The following MICOS10 variants were observed in gnomAD, a reference collection of about 807,000 sequenced individuals.
MICOS10 encodes mitochondrial contact site and cristae organizing system subunit 10.
A neutral mutation model predicts 13.4 loss-of-function variants in MICOS10; 5 were observed. The ratio of observed to expected loss-of-function variants is 0.37; its 90% confidence interval spans 0.20 to 0.78. The LOEUF (loss-of-function observed/expected upper bound fraction) is 0.78, where lower values mean the gene tolerates loss of function less well. Ranked by LOEUF, MICOS10 falls within the 30% of genes least tolerant of loss-of-function variation. MICOS10 has a pLI of 0.47. For missense variants in MICOS10, 101 were observed against 94.6 expected (o/e 1.07, Z -0.28); for synonymous variants, 35 against 33.6 (o/e 1.04, Z -0.15).
intron 1 of MICOS10, among the ~76,000 whole-genome samples, chr1:19,613,271 C>T (rs569524567): frequency 3.5e-4 from 53 of 152,286 alleles, no homozygotes; most frequent in Non-Finnish European, 5.6e-4. Flanking sequence ...TCAGATCTGT[C>T]CTCATTGCTG....
Position 19,600,964 on chromosome 1 carries a change from C to A in MICOS10, c.64+3855C>A, listed in dbSNP as rs142451877. On this transcript the variant is annotated intron_variant, in intron 1 of 3. Coordinates refer to ENST00000322753, the MANE Select transcript of MICOS10 (RefSeq NM_001032363.4). ...AAGGGAAGCCATGGTGAATGCACAG[C>A]AACTTCTGTGAGTCCTTCTCTGTTT... 1.0e-5 allele frequency: 13 copies of A among 1,289,366 alleles called. No individual in the cohort carries two copies. The East Asian group carries it at 4.4e-4, about 44-fold the overall frequency. 79.9% of individuals were successfully genotyped at this position (1,289,366 alleles called of 1,614,324 possible).
chr1:19,608,533 T>G lies in MICOS10; in HGVS notation c.64+11424T>G. 2.0e-6 allele frequency: 2 copies of G among 1,017,246 alleles called. 1 individual carries two copies. Among genetic ancestry groups the G allele is most frequent in the South Asian group, 2.5e-5 (2 of 79,238 alleles). The allele number at this position is 1,017,246 out of a possible 1,614,324, so 63.0% of individuals were successfully genotyped here. A position where few individuals can be genotyped will look rare whatever the true frequency, so the allele number is the denominator to read the frequency against. On this transcript the variant is annotated intron_variant, in intron 1 of 3. Transcript: ENST00000322753. ...TCACCCCCATCCCCTCTGACAGCACTCTCAGGAAGGGGGTCACCGTGGTCG... is the reference window on the plus strand; with the variant it reads ...TCACCCCCATCCCCTCTGACAGCACGCTCAGGAAGGGGGTCACCGTGGTCG...
intron 1 of MICOS10, among the ~76,000 whole-genome samples, chr1:19,618,455 T>C (rs1438598133): frequency 2.6e-5 from 4 of 152,178 alleles, no homozygotes; most frequent in African/African-American, 9.7e-5. Flanking sequence ...ATTACACCTC[T>C]GAAATCTTTT....
intron 1 of MICOS10, among the ~76,000 whole-genome samples, chr1:19,603,556 C>T (rs1009387592): frequency 6.6e-6 from 1 of 152,168 alleles, no homozygotes; most frequent in African/African-American, 2.4e-5. Context: ...TACGGAGGTC[C>T]TGGGAATCCC....
intron 1 of MICOS10, among the ~76,000 whole-genome samples, chr1:19,603,599 T>A (rs1000170163): frequency 6.6e-6 from 1 of 152,250 alleles, no homozygotes; most frequent in African/African-American, 2.4e-5. Context: ...AAATTGGCTG[T>A]GTCCCTTTTC....
At chr1:19,602,334 T>G (rs2094818332) in intron 1 of MICOS10, among the ~76,000 whole-genome samples, 2 of 152,218 alleles carry the variant, frequency 1.3e-5, no homozygotes, top group Admixed American at 6.5e-5. Flanking sequence ...AAAGTAGATT[T>G]CTGCCCGTTC....
chr1:19,622,945 C>T (rs58228429), intron 2 of MICOS10, among the ~76,000 whole-genome samples: 2,919 of 111,658 alleles, frequency 0.026, 103 homozygotes, highest in African/African-American at 0.11. Context: ...TTTTTTGAAA[C>T]GGAGTCTTGC....
At chr1:19,614,072 TTTTA>T (rs1017171187) in intron 1 of MICOS10, among the ~76,000 whole-genome samples, 6 of 152,130 alleles carry the variant, frequency 3.9e-5, no homozygotes, top group African/African-American at 9.7e-5. Context: ...TTAAATTATA[TTTTA>T]TTTATTTATT....
chr1:19,608,954 C>T (rs943163890), intron 1 of MICOS10, among the ~76,000 whole-genome samples: 15 of 148,818 alleles, frequency 1.0e-4, no homozygotes, highest in Non-Finnish European at 1.9e-4. Context: ...CCCCAGTGTC[C>T]GAAAATTCTG....
intron 3 of MICOS10, 115 bp from the exon 4 acceptor site, chr1:19,626,272 A>G (rs2094921748): frequency 8.2e-7 from 1 of 1,221,784 alleles, no homozygotes. Context: ...TTTAACGTAA[A>G]CAGTGTGATA....
At chr1:19,611,468 G>GTTTTTTTTTTTT (rs765477232) in intron 1 of MICOS10, among the ~76,000 whole-genome samples, 1 of 84,058 alleles carries the variant, frequency 1.2e-5, no homozygotes, top group African/African-American at 7.4e-5. Flanking sequence ...GTTGCAACTT[G>GTTTTTTTTTTTT]ATTTTTTTTT....
chr1:19,602,906 C>G (rs1048416364), intron 1 of MICOS10, among the ~76,000 whole-genome samples: 2 of 152,088 alleles, frequency 1.3e-5, no homozygotes, highest in Admixed American at 1.3e-4. Context: ...TCACCCTGGA[C>G]TGGATGAGAG....
At chr1:19,599,513 G>A (rs1272792267) in intron 1 of MICOS10, among the ~76,000 whole-genome samples, 1 of 152,176 alleles carries the variant, frequency 6.6e-6, no homozygotes, top group Non-Finnish European at 1.5e-5. Context: ...TCAGGTATAA[G>A]TTAAAATGAG....
chr1:19,604,299 G>A (rs2094826761), intron 1 of MICOS10, among the ~76,000 whole-genome samples: 1 of 152,152 alleles, frequency 6.6e-6, no homozygotes, highest in Admixed American at 6.5e-5. Flanking sequence ...TTGAGGCCAG[G>A]AGTTTGAGAC....
At chr1:19,600,042 T>C (rs1463628525) in intron 1 of MICOS10, among the ~76,000 whole-genome samples, 1 of 151,944 alleles carries the variant, frequency 6.6e-6, no homozygotes, top group Non-Finnish European at 1.5e-5. Flanking sequence ...TTCACTGCCC[T>C]CAACAGGGAA....
intron 1 of MICOS10, among the ~76,000 whole-genome samples, chr1:19,615,590 C>G (rs75396705): frequency 6.6e-6 from 1 of 151,824 alleles, no homozygotes. Context: ...TTTTTCCCCC[C>G]AAGACAGAGT....
rs2094918038 is a variant in MICOS10, at chr1:19,625,313, T to G, written c.223-1074T>G. 4.0e-6 allele frequency: 5 copies of G among 1,237,390 alleles called. No homozygotes were observed. In the South Asian group the frequency reaches 6.6e-5, roughly 16 times the overall value. The allele number at this position is 1,237,390 out of a possible 1,614,324, so 76.7% of individuals were successfully genotyped here. ...GTGGTACAAATGCATGTCCTAATTC[T>G]AGTCAGGAGCTGTGGCCACAAGGGC... On this transcript the variant is annotated intron_variant, in intron 3 of 3. Transcript: ENST00000322753.
At chr1:19,608,153 G>T (rs749334620) in intron 1 of MICOS10, 1 of 1,229,878 alleles carries the variant, frequency 8.1e-7, no homozygotes, top group South Asian at 1.2e-5. Flanking sequence ...GGAAGAACAG[G>T]TCATCAACCT....
At chr1:19,608,691 A>G in intron 1 of MICOS10, 1 of 580,966 alleles carries the variant, frequency 1.7e-6, no homozygotes, top group Non-Finnish European at 3.1e-6. Context: ...TTTGGGGAAT[A>G]CAAAAAGCAA....
Sources: allele counts gnomAD v4.1 joint callset (sites outside exome capture counted in the v4.1 genomes callset), GRCh38; gene constraint gnomAD v4.1.1; transcripts MANE v1.5; gene names NCBI Gene and HGNC (gene_info 2026-07-23, HGNC 2026-07-21).